Variants in HPSE2 observed in about 807,000 individuals in gnomAD.
The protein encoded by HPSE2 is heparanase 2 (inactive).
In HPSE2, 38 loss-of-function variants were observed where a neutral mutation model predicts 60.5. That is an observed-to-expected ratio of 0.63 (90% CI 0.48 to 0.82). The LOEUF is 0.82. Among genes scored for constraint, HPSE2 ranks in the 40% least tolerant of loss-of-function variants. HPSE2 has a pLI of 0.00. For synonymous variants in HPSE2, 295 were observed against 293.2 expected (o/e 1.01, Z -0.06); for missense variants, 713 against 740.4 (o/e 0.96, Z 0.43).
At position 98,897,517 on chromosome 10, in the gene HPSE2, A is replaced by G. The variant is rs569393402; in HGVS notation, c.611-153461T>C. On this transcript the variant is annotated intron_variant, in intron 3 of 11. Coordinates refer to ENST00000370552, the MANE Select transcript of HPSE2 (RefSeq NM_021828.5). ...TCAAGACACCATGACATACACATTA[A>G]TAGAACAGAGTAGAGAGTCCAGAAA... Among the ~76,000 whole-genome samples, 27 of 152,286 alleles carry G rather than the reference A, an allele frequency of 1.8e-4. 1 individual carries two copies. In the South Asian group the frequency reaches 5.6e-3, roughly 32 times the overall value.
intron 3 of HPSE2, among the ~76,000 whole-genome samples, chr10:99,051,843 C>T (rs1005323425): frequency 6.6e-6 from 1 of 151,406 alleles, no homozygotes; most frequent in African/African-American, 2.4e-5. Flanking sequence ...TAGATTCACA[C>T]TAAGAATAAA....
the HPSE2 span, among the ~76,000 whole-genome samples, chr10:99,296,136 C>A: frequency 6.6e-6 from 1 of 152,154 alleles, no homozygotes. Flanking sequence ...GCTCATATAG[C>A]CTTCCAAAAG....
chr10:99,201,201 T>C (rs1311873275), intron 2 of HPSE2, among the ~76,000 whole-genome samples: 1 of 152,132 alleles, frequency 6.6e-6, no homozygotes, highest in Non-Finnish European at 1.5e-5. Flanking sequence ...CAAATACAAA[T>C]AATTGCAAAG....
At chr10:98,591,418 T>C (rs1326839427) in intron 9 of HPSE2, among the ~76,000 whole-genome samples, 2 of 152,142 alleles carry the variant, frequency 1.3e-5, no homozygotes, top group Admixed American at 1.3e-4. Flanking sequence ...ATCCCAGCAC[T>C]TTGGGAGGCT....
At chr10:99,127,265 A>T (rs1324741404) in intron 3 of HPSE2, among the ~76,000 whole-genome samples, 2 of 152,202 alleles carry the variant, frequency 1.3e-5, no homozygotes, top group Non-Finnish European at 2.9e-5. Flanking sequence ...AATATGGATT[A>T]AAAATGCTTC....
chr10:98,915,541 T>C (rs1954096581), intron 3 of HPSE2, among the ~76,000 whole-genome samples: 1 of 152,186 alleles, frequency 6.6e-6, no homozygotes, highest in Non-Finnish European at 1.5e-5. Context: ...TAAATGCTTC[T>C]AGAATCTTTA....
Position 98,826,830 on chromosome 10 carries a change from G to A in HPSE2, c.611-82774C>T, listed in dbSNP as rs1431166861. ...TACCACATAGAAGAGAGGTGAGCCT[G>A]CTTTCACAAGCACTGCACAAATTGA... On this transcript the variant is annotated intron_variant, in intron 3 of 11. Transcript: ENST00000370552. Among the ~76,000 whole-genome samples the A allele has an allele frequency of 2.6e-5, 4 of 152,292 alleles. No individual in the cohort carries two copies. In the East Asian group the frequency reaches 7.7e-4, roughly 29 times the overall value.
In HPSE2 at chr10:98,583,720, C is replaced by A. The variant is rs149262515; in HGVS notation, c.1320+31184G>T. 5.5e-3 allele frequency among the ~76,000 whole-genome samples: 842 copies of A among 152,320 alleles called. 5 individuals are homozygous for A. Among genetic ancestry groups the A allele is most frequent in the Non-Finnish European group, 9.5e-3 (643 of 68,028 alleles). On this transcript the variant is annotated intron_variant, in intron 9 of 11. Coordinates refer to ENST00000370552, the MANE Select transcript of HPSE2 (RefSeq NM_021828.5). ...TAAATAAACCCTTTGCTTGAAGATT[C>A]ATCACTCATATTTATTTCATGTTCA...
chr10:98,879,171 C>A (rs773184842), intron 3 of HPSE2, among the ~76,000 whole-genome samples: 7 of 151,944 alleles, frequency 4.6e-5, no homozygotes, highest in African/African-American at 1.7e-4. Flanking sequence ...AGAGTGCCAG[C>A]AAGATATGGG....
intron 3 of HPSE2, among the ~76,000 whole-genome samples, chr10:98,855,651 C>A (rs943133991): frequency 6.6e-6 from 1 of 152,016 alleles, no homozygotes; most frequent in African/African-American, 2.4e-5. Context: ...TCCCAGTCAA[C>A]CAGAATGAAA....
At chr10:98,494,487 A>C (rs916504486) in intron 9 of HPSE2, among the ~76,000 whole-genome samples, 3 of 152,272 alleles carry the variant, frequency 2.0e-5, no homozygotes, top group Admixed American at 6.5e-5. Flanking sequence ...TAAGCATGCC[A>C]GGGCAAATAT....
At chr10:98,511,973 T>C (rs959154662) in intron 9 of HPSE2, among the ~76,000 whole-genome samples, 3 of 152,218 alleles carry the variant, frequency 2.0e-5, no homozygotes, top group African/African-American at 7.2e-5. Context: ...ACCTAATTAA[T>C]TCTAATAGGC....
At chr10:99,285,119 G>T in the HPSE2 span, among the ~76,000 whole-genome samples, 2 of 151,826 alleles carry the variant, frequency 1.3e-5, no homozygotes, top group African/African-American at 4.8e-5. Flanking sequence ...GGTTTTAAAT[G>T]GCCCATTTAA....
intron 3 of HPSE2, among the ~76,000 whole-genome samples, chr10:98,933,947 T>C (rs1361499742): frequency 7.0e-6 from 1 of 143,072 alleles, no homozygotes; most frequent in African/African-American, 2.9e-5. Context: ...TTAGCCAGGA[T>C]GGTCTCAATC....
At chr10:99,012,110 TTTA>T (rs1380267250) in intron 3 of HPSE2, among the ~76,000 whole-genome samples, 3 of 151,890 alleles carry the variant, frequency 2.0e-5, no homozygotes, top group Non-Finnish European at 4.4e-5. Flanking sequence ...GCTAAATTAT[TTTA>T]TAATATTTAT....
At chr10:98,540,798 A>T (rs534706838) in intron 9 of HPSE2, among the ~76,000 whole-genome samples, 143 of 152,324 alleles carry the variant, frequency 9.4e-4, no homozygotes, top group Non-Finnish European at 1.6e-3. Context: ...AGGAAACAGC[A>T]AATTTGAAGT....
chr10:99,171,743 C>CT (rs1441591246), intron 2 of HPSE2, among the ~76,000 whole-genome samples: 2 of 152,022 alleles, frequency 1.3e-5, no homozygotes, highest in Non-Finnish European at 2.9e-5. Flanking sequence ...TTGATACATC[C>CT]TTTTTGATGA....
the HPSE2 span, among the ~76,000 whole-genome samples, chr10:99,253,609 G>C: frequency 6.6e-6 from 1 of 152,076 alleles, no homozygotes; most frequent in Non-Finnish European, 1.5e-5. Context: ...TGACAAGTGG[G>C]ATCTAAGTAA....
intron 11 of HPSE2, among the ~76,000 whole-genome samples, chr10:98,463,308 C>A (rs938753222): frequency 6.6e-6 from 1 of 152,222 alleles, no homozygotes; most frequent in Admixed American, 6.5e-5. Flanking sequence ...GCCAGTCCCC[C>A]CTCCAACGCT....
Sources: allele counts gnomAD v4.1 joint callset (sites outside exome capture counted in the v4.1 genomes callset), GRCh38; gene constraint gnomAD v4.1.1; transcripts MANE v1.5; gene names NCBI Gene and HGNC (gene_info 2026-07-23, HGNC 2026-07-21).